NRXN3: variants seen among roughly 807,000 people sequenced by gnomAD.
NRXN3 encodes neurexin 3, also known as neurexin III.
A neutral mutation model predicts 137.6 loss-of-function variants in NRXN3; 32 were observed. That is an observed-to-expected ratio of 0.23 (90% CI 0.18 to 0.31). The LOEUF (loss-of-function observed/expected upper bound fraction) is 0.31, where lower values mean the gene tolerates loss of function less well. Ranked by LOEUF, NRXN3 falls within the 10% of genes least tolerant of loss-of-function variation. NRXN3 has a pLI of 1.00. For missense variants in NRXN3, 1,574 were observed against 2,062.5 expected (o/e 0.76, Z 4.59); for synonymous variants, 798 against 784.5 (o/e 1.02, Z -0.29).
chr14:79,264,522 ATGTGTGTGTG>A (rs34099529), intron 15 of NRXN3, among the ~76,000 whole-genome samples: 3,351 of 145,282 alleles, frequency 0.023, 130 homozygotes, highest in African/African-American at 0.08. Flanking sequence ...TGTTTACATG[ATGTGTGTGTG>A]TGTGTGTGTG....
chr14:78,667,898 C>T (rs2097901666), intron 6 of NRXN3, among the ~76,000 whole-genome samples: 1 of 152,074 alleles, frequency 6.6e-6, no homozygotes, highest in Non-Finnish European at 1.5e-5. Context: ...ATTCTCCTGC[C>T]TCTGCCTCCC....
At chr14:78,259,332 A>G (rs1166941602) in intron 2 of NRXN3, among the ~76,000 whole-genome samples, 4 of 152,200 alleles carry the variant, frequency 2.6e-5, no homozygotes, top group Non-Finnish European at 5.9e-5. Flanking sequence ...TGACTTACCC[A>G]AGATCAGCAA....
chr14:78,784,901 C>T (rs2098783898), intron 8 of NRXN3, among the ~76,000 whole-genome samples: 1 of 152,120 alleles, frequency 6.6e-6, no homozygotes, highest in East Asian at 1.9e-4. Context: ...GGGCACGTTC[C>T]AGGAGCCAAG....
At position 78,334,889 on chromosome 14, in the gene NRXN3, C is replaced by T. The variant is rs34204604; in HGVS notation, c.757+37029C>T. 2.1e-3 allele frequency among the ~76,000 whole-genome samples: 321 copies of T among 152,196 alleles called. 1 individual carries two copies. Among genetic ancestry groups the T allele is most frequent in the South Asian group, 0.011 (52 of 4,822 alleles). On this transcript the variant is annotated intron_variant, in intron 4 of 20. Transcript: ENST00000335750. ...TATTGAAACACCTACTAGGGCTGGA[C>T]GGAGCAGTGGAAATTTTTGCCAACA...
At position 78,915,370 on chromosome 14, in the gene NRXN3, AAAC is replaced by A. The variant is rs1353640243; in HGVS notation, c.2276-41871_2276-41869del. Among the ~76,000 whole-genome samples the A allele has an allele frequency of 7.8e-4, 113 of 145,240 alleles. 2 individuals carry two copies. Among genetic ancestry groups the A allele is most frequent in the African/African-American group, 2.8e-3 (107 of 38,344 alleles). On this transcript the variant is annotated intron_variant, in intron 10 of 20. Coordinates refer to ENST00000335750, the MANE Select transcript of NRXN3 (RefSeq NM_001330195.2). ...CAAAAAAAAAAAAAAAAAAAAAAAA[AAAC>A]CACACAGAAAAAAAACAAGCAAGCA... is the stretch of plus-strand genomic sequence containing the variant.
chr14:79,435,528 T>C (rs1186309943), intron 15 of NRXN3, among the ~76,000 whole-genome samples: 2 of 151,738 alleles, frequency 1.3e-5, no homozygotes, highest in African/African-American at 4.8e-5. Flanking sequence ...TATCTCTATA[T>C]TGAACCTGGC....
At chr14:78,456,855 T>C (rs1469340381) in intron 4 of NRXN3, among the ~76,000 whole-genome samples, 2 of 105,268 alleles carry the variant, frequency 1.9e-5, no homozygotes, top group African/African-American at 6.9e-5. Flanking sequence ...CTTTCTTTCT[T>C]TTTCTCTTTC....
intron 20 of NRXN3, among the ~76,000 whole-genome samples, chr14:79,820,739 G>C (rs1458710667): frequency 1.3e-5 from 2 of 152,040 alleles, no homozygotes; most frequent in Non-Finnish European, 2.9e-5. Flanking sequence ...CCAACTTGTT[G>C]AGAACATGCA....
At chr14:79,072,669 G>A (rs1463314827) in intron 15 of NRXN3, among the ~76,000 whole-genome samples, 1 of 152,130 alleles carries the variant, frequency 6.6e-6, no homozygotes, top group Non-Finnish European at 1.5e-5. Context: ...TCATAGAGCT[G>A]TTATGAGAAC....
At chr14:78,291,233 A>G (rs971335189) in intron 3 of NRXN3, among the ~76,000 whole-genome samples, 4 of 152,210 alleles carry the variant, frequency 2.6e-5, no homozygotes, top group African/African-American at 9.7e-5. Context: ...TTCACCCCTC[A>G]CTAAGGTAGT....
At chr14:79,181,527 A>G (rs1367409852) in intron 15 of NRXN3, among the ~76,000 whole-genome samples, 1 of 151,992 alleles carries the variant, frequency 6.6e-6, no homozygotes, top group Non-Finnish European at 1.5e-5. Context: ...TACTAAAAAC[A>G]CAAAAATTAG....
intron 19 of NRXN3, among the ~76,000 whole-genome samples, chr14:79,804,181 G>T (rs987791002): frequency 6.6e-6 from 1 of 151,742 alleles, no homozygotes; most frequent in Non-Finnish European, 1.5e-5. Flanking sequence ...GAGCATTATT[G>T]AACTATAATA....
chr14:79,086,205 G>A (rs2048062915), intron 15 of NRXN3, among the ~76,000 whole-genome samples: 1 of 152,102 alleles, frequency 6.6e-6, no homozygotes, highest in Non-Finnish European at 1.5e-5. Flanking sequence ...AAATTCTACA[G>A]GTCATTTAGC....
At chr14:78,564,848 C>A (rs1251315171) in intron 4 of NRXN3, among the ~76,000 whole-genome samples, 1 of 152,114 alleles carries the variant, frequency 6.6e-6, no homozygotes, top group African/African-American at 2.4e-5. Context: ...AGAACCCTTC[C>A]ACTAGATCTT....
chr14:78,250,117 G>A (rs761011068), intron 2 of NRXN3: 4 of 516,302 alleles, frequency 7.7e-6, no homozygotes, highest in African/African-American at 5.8e-5. Context: ...CGGGGCAAGA[G>A]GTTAAATAAC....
chr14:78,536,359 G>A (rs1191300725), intron 4 of NRXN3, among the ~76,000 whole-genome samples: 9 of 152,100 alleles, frequency 5.9e-5, no homozygotes, highest in African/African-American at 1.2e-4. Context: ...CCCGCATCAC[G>A]TTCCTAATAA....
intron 4 of NRXN3, among the ~76,000 whole-genome samples, chr14:78,595,555 C>A (rs1426942372): frequency 1.3e-5 from 2 of 152,188 alleles, no homozygotes; most frequent in Non-Finnish European, 2.9e-5. Flanking sequence ...CACCCAAACC[C>A]TTTCTTTCCT....
chr14:78,265,126 A>G (rs1026742708), intron 2 of NRXN3, among the ~76,000 whole-genome samples: 9 of 152,230 alleles, frequency 5.9e-5, no homozygotes, highest in Non-Finnish European at 1.2e-4. Context: ...GCATTTATAA[A>G]CACAAGCTTT....
chr14:78,701,351 G>A (rs1447101783), intron 6 of NRXN3, among the ~76,000 whole-genome samples: 8 of 152,148 alleles, frequency 5.3e-5, no homozygotes, highest in Non-Finnish European at 7.3e-5. Context: ...CTTGAGCACC[G>A]GTAGTAATGA....
Sources: gnomAD v4.1 joint callset for allele counts (sites outside exome capture counted in the v4.1 genomes callset) on GRCh38, gnomAD v4.1.1 for gene constraint, MANE v1.5 for transcripts, NCBI Gene and HGNC (gene_info 2026-07-23, HGNC 2026-07-21) for gene names.